WWOX: variants seen among roughly 807,000 people sequenced by gnomAD.
WWOX encodes WW domain-containing oxidoreductase.
A neutral mutation model predicts 46.2 loss-of-function variants in WWOX; 69 were observed. That is an observed-to-expected ratio of 1.49 (90% CI 1.23 to 1.82). WWOX has a LOEUF of 1.82. Among genes scored for constraint, WWOX ranks in the 40% most tolerant of loss-of-function variants. The pLI, the probability that WWOX is intolerant of heterozygous loss-of-function variation, is 0.00. For missense variants in WWOX, 919 were observed against 542.6 expected (o/e 1.69, Z -6.89); for synonymous variants, 359 against 202.6 (o/e 1.77, Z -6.56).
At chr16:78,665,410 CTA>C (rs1248250659) in intron 8 of WWOX, among the ~76,000 whole-genome samples, 1 of 152,052 alleles carries the variant, frequency 6.6e-6, no homozygotes, top group Non-Finnish European at 1.5e-5. Context: ...CTGAATATAA[CTA>C]TTGAGTTTTC....
intron 8 of WWOX, among the ~76,000 whole-genome samples, chr16:78,929,632 A>G (rs761071659): frequency 1.1e-4 from 16 of 152,114 alleles, no homozygotes; most frequent in Non-Finnish European, 1.3e-4. Context: ...CCCTGCTTCT[A>G]TTTCTGGGGT....
chr16:79,199,020 G>C (rs1370784886), intron 8 of WWOX, among the ~76,000 whole-genome samples: 3 of 152,102 alleles, frequency 2.0e-5, no homozygotes, highest in Non-Finnish European at 4.4e-5. Context: ...CTTTGACCTA[G>C]GCAGAAAACT....
At chr16:78,247,015 G>A (rs1156400764) in intron 5 of WWOX, among the ~76,000 whole-genome samples, 3 of 152,112 alleles carry the variant, frequency 2.0e-5, no homozygotes, top group Non-Finnish European at 4.4e-5. Flanking sequence ...TTTCACACAA[G>A]AAAGAATGGC....
At chr16:78,123,315 G>A (rs935005867) in intron 4 of WWOX, 1 of 151,718 alleles carries the variant, frequency 6.6e-6, no homozygotes, top group Non-Finnish European at 1.5e-5. Flanking sequence ...GAGTGTGCTG[G>A]CCTAGCAATA....
At chr16:78,892,530 T>G (rs2044613213) in intron 8 of WWOX, among the ~76,000 whole-genome samples, 1 of 152,222 alleles carries the variant, frequency 6.6e-6, no homozygotes, top group South Asian at 2.1e-4. Flanking sequence ...AAGTGGGAGC[T>G]GGACGACAAC....
intron 8 of WWOX, among the ~76,000 whole-genome samples, chr16:78,724,895 A>G (rs370679305): frequency 2.0e-5 from 3 of 152,068 alleles, no homozygotes; most frequent in South Asian, 2.1e-4. Context: ...TTTTCCTTGC[A>G]TCTCTGGAGG....
chr16:78,327,329 G>T (rs547412926), intron 5 of WWOX, among the ~76,000 whole-genome samples: 20 of 152,258 alleles, frequency 1.3e-4, no homozygotes, highest in Non-Finnish European at 2.8e-4. Flanking sequence ...GGGGTGTGAA[G>T]CGTGCCAGCT....
chr16:78,276,412 A>G (rs1233083452), intron 5 of WWOX, among the ~76,000 whole-genome samples: 1 of 152,190 alleles, frequency 6.6e-6, no homozygotes, highest in African/African-American at 2.4e-5. Flanking sequence ...CGACACATAC[A>G]ATTTAATCAG....
intron 8 of WWOX, among the ~76,000 whole-genome samples, chr16:78,975,570 C>A (rs562621315): frequency 6.6e-6 from 1 of 151,770 alleles, no homozygotes; most frequent in African/African-American, 2.4e-5. Flanking sequence ...AATGCCTGTT[C>A]ATGTACCATA....
chr16:79,188,191 G>C (rs1323185531), intron 8 of WWOX, among the ~76,000 whole-genome samples: 1 of 152,176 alleles, frequency 6.6e-6, no homozygotes, highest in Non-Finnish European at 1.5e-5. Flanking sequence ...GATGGGAGAA[G>C]GGACAAGGTG....
intron 8 of WWOX, among the ~76,000 whole-genome samples, chr16:78,947,522 C>T (rs1025068446): frequency 6.6e-6 from 1 of 151,858 alleles, no homozygotes; most frequent in South Asian, 2.1e-4. Context: ...CGGCTGGGAG[C>T]CTTTCGGCTG....
At chr16:78,818,511 A>T (rs938281119) in intron 8 of WWOX, among the ~76,000 whole-genome samples, 2 of 152,218 alleles carry the variant, frequency 1.3e-5, no homozygotes, top group African/African-American at 4.8e-5. Context: ...CAAGAGGATC[A>T]CTTGAAGCCA....
chr16:78,727,556 T>A (rs1175548500), intron 8 of WWOX, among the ~76,000 whole-genome samples: 1 of 152,126 alleles, frequency 6.6e-6, no homozygotes, highest in Non-Finnish European at 1.5e-5. Flanking sequence ...AAGGTCTGGG[T>A]CCTGAGTTCC....
chr16:78,921,233 G>A (rs1445846488), intron 8 of WWOX, among the ~76,000 whole-genome samples: 2 of 152,076 alleles, frequency 1.3e-5, no homozygotes, highest in Non-Finnish European at 2.9e-5. Context: ...AAAGACATTA[G>A]CCTCGAAACC....
At chr16:78,791,651 G>T (rs540127204) in intron 8 of WWOX, among the ~76,000 whole-genome samples, 15 of 152,132 alleles carry the variant, frequency 9.9e-5, no homozygotes, top group Non-Finnish European at 2.2e-4. Flanking sequence ...AATGAGATGG[G>T]TGGATCACCT....
intron 8 of WWOX, among the ~76,000 whole-genome samples, chr16:78,794,548 A>C (rs2050689189): frequency 6.6e-6 from 1 of 152,232 alleles, no homozygotes; most frequent in African/African-American, 2.4e-5. Context: ...GGTGAATAAT[A>C]TCTAAGAGGT....
intron 8 of WWOX, among the ~76,000 whole-genome samples, chr16:79,033,552 C>T (rs910667553): frequency 8.5e-5 from 13 of 152,066 alleles, no homozygotes; most frequent in African/African-American, 1.9e-4. Flanking sequence ...CTACCACATG[C>T]GTAGCCACCC....
chr16:78,790,156 G>A (rs907150711), intron 8 of WWOX, among the ~76,000 whole-genome samples: 1 of 151,544 alleles, frequency 6.6e-6, no homozygotes, highest in Admixed American at 6.6e-5. Context: ...TATTTTTTTG[G>A]GACAGGGTCT....
chr16:78,222,296 A>G lies in WWOX; in HGVS notation c.516+58007A>G, dbSNP rs535635049. Among the ~76,000 whole-genome samples the G allele has an allele frequency of 4.0e-5, 6 of 151,204 alleles. No homozygotes were observed. In the East Asian group the frequency reaches 1.2e-3, roughly 30 times the overall value. On this transcript the variant is annotated intron_variant, in intron 5 of 8. Transcript: ENST00000566780. Reference sequence around the variant, plus strand: ...CGTATTTCTTCAGGGCCAAGGGCCCAGCTGTGCCTCATTAGGGGTGAGAGT... The same window carrying G: ...CGTATTTCTTCAGGGCCAAGGGCCCGGCTGTGCCTCATTAGGGGTGAGAGT...
Sources: allele counts gnomAD v4.1 joint callset (sites outside exome capture counted in the v4.1 genomes callset), GRCh38; gene constraint gnomAD v4.1.1; transcripts MANE v1.5; gene names NCBI Gene and HGNC (gene_info 2026-07-23, HGNC 2026-07-21).